Variants in KLHL29 observed in about 807,000 individuals in gnomAD.
The protein encoded by KLHL29 is kelch-like protein 29.
In KLHL29, 21 loss-of-function variants were observed where a neutral mutation model predicts 80.4. That is an observed-to-expected ratio of 0.26 (90% CI 0.19 to 0.38). KLHL29 has a LOEUF of 0.38. KLHL29 is among the 10% of genes least tolerant of loss of function. The pLI is 1.00. For missense variants in KLHL29, 867 were observed against 1,223.9 expected (o/e 0.71, Z 4.35); for synonymous variants, 511 against 526.8 (o/e 0.97, Z 0.41).
intron 1 of KLHL29, among the ~76,000 whole-genome samples, chr2:23,442,859 C>T (rs1372861426): frequency 1.3e-5 from 2 of 152,154 alleles, no homozygotes; most frequent in East Asian, 3.9e-4. Context: ...ATTTGACAGA[C>T]CAGAATCTCA....
Position 23,596,838 on chromosome 2 carries a change from A to G in KLHL29, c.285+34357A>G, listed in dbSNP as rs112317863. On this transcript the variant is annotated intron_variant, in intron 3 of 13. Coordinates refer to ENST00000486442, the MANE Select transcript of KLHL29 (RefSeq NM_052920.2). This position sits in a 1 kb window ranked among gnomAD's most constrained non-coding sequence, Gnocchi z 4.4. Reference sequence around the variant, plus strand: ...GGGATTCCTGGTACATACTTTACCCATTTTTCAGATTTTCCTCCTTCTTAC... The same window carrying G: ...GGGATTCCTGGTACATACTTTACCCGTTTTTCAGATTTTCCTCCTTCTTAC... 1.2e-3 allele frequency among the ~76,000 whole-genome samples: 182 copies of G among 152,206 alleles called. No homozygotes were observed. The highest frequency in any genetic ancestry group is 4.2e-3 in the African/African-American group (176 of 41,524).
In KLHL29 at chr2:23,642,843, C is replaced by A. The variant is rs1465246200; in HGVS notation, c.933C>A (p.His311Gln). 6.4e-7 allele frequency: 1 copy of A among 1,550,454 alleles called. No homozygotes were observed. Among genetic ancestry groups the A allele is most frequent in the Non-Finnish European group, 8.7e-7 (1 of 1,146,886 alleles). Residue 311 changes from histidine (H) to glutamine (Q), a missense_variant, in exon 5 of 14, where the codon CAC (histidine) becomes CAA (glutamine). Physicochemically the swap from His to Gln is conservative, Grantham distance 24. Coordinates refer to ENST00000486442, the MANE Select transcript of KLHL29 (RefSeq NM_052920.2). ...AGTATGAGTTCACCGACCCGGGGCA[C>A]CCCAGAGGTAAGTCCTGCTGCCACG... ...VGKYEFTDPG[H>Q]PREMLKELNQ...
rs1051503029 is a variant in KLHL29 at position 23,642,784 on chromosome 2, G to A, written c.874G>A (p.Gly292Arg). The change falls in exon 5 of 14, where the codon GGG becomes AGG. Residue 292 changes from glycine to arginine, a missense_variant. This residue lies in a region of KLHL29 where 424 missense variants were observed against 456.9 expected (regional missense o/e 0.93). Transcript: ENST00000486442. ...NGPPTTDSAH[G>R]LQMLRTIGVG... ...GCCCCCCACAACCGACTCGGCCCACGGGCTGCAGATGCTGCGGACCATTGG... is the reference window on the plus strand; with the variant it reads ...GCCCCCCACAACCGACTCGGCCCACAGGCTGCAGATGCTGCGGACCATTGG... 7.5e-5 allele frequency: 117 copies of A among 1,550,308 alleles called. No individual in the cohort carries two copies. Among genetic ancestry groups the A allele is most frequent in the Non-Finnish European group, 9.2e-5 (105 of 1,146,892 alleles).
intron 1 of KLHL29, among the ~76,000 whole-genome samples, chr2:23,440,784 A>G (rs1386734354): frequency 1.3e-5 from 2 of 152,184 alleles, no homozygotes; most frequent in Non-Finnish European, 2.9e-5. Context: ...ATGAGATACC[A>G]TCTCACACCA....
chr2:23,415,915 G>A (rs1187006058), intron 1 of KLHL29, among the ~76,000 whole-genome samples: 2 of 152,084 alleles, frequency 1.3e-5, no homozygotes, highest in Non-Finnish European at 2.9e-5. Context: ...GCTCAGAGTT[G>A]CAGTGAGCAG....
intron 1 of KLHL29, among the ~76,000 whole-genome samples, chr2:23,408,942 T>G (rs1666797176): frequency 1.3e-5 from 2 of 152,194 alleles, no homozygotes; most frequent in Non-Finnish European, 2.9e-5. Flanking sequence ...ACAGCTCTGA[T>G]GAGCACCTTT....
chr2:23,621,968 T>C (rs1196562304), intron 3 of KLHL29, among the ~76,000 whole-genome samples: 2 of 152,172 alleles, frequency 1.3e-5, no homozygotes, highest in Middle Eastern at 3.2e-3. Context: ...ACAGGACACG[T>C]GAGAGAGAAA....
intron 1 of KLHL29, among the ~76,000 whole-genome samples, chr2:23,432,723 G>A (rs971957458): frequency 1.3e-5 from 2 of 152,236 alleles, no homozygotes; most frequent in Non-Finnish European, 2.9e-5. Flanking sequence ...CAGGGCTGGA[G>A]GAGCTGTGCA....
chr2:23,571,713 AT>A (rs1238227436), intron 3 of KLHL29, among the ~76,000 whole-genome samples: 4 of 152,218 alleles, frequency 2.6e-5, no homozygotes, highest in African/African-American at 9.6e-5. Context: ...TTGAACTGCT[AT>A]AACCTTCCTA....
chr2:23,549,201 A>C (rs1667060378), intron 2 of KLHL29, among the ~76,000 whole-genome samples: 1 of 152,240 alleles, frequency 6.6e-6, no homozygotes, highest in African/African-American at 2.4e-5. Context: ...CCTCGCTGCC[A>C]GTATGCAAGG....
chr2:23,601,007 G>A (rs1352574921), intron 3 of KLHL29, among the ~76,000 whole-genome samples: 1 of 152,180 alleles, frequency 6.6e-6, no homozygotes, highest in Admixed American at 6.5e-5. Context: ...TGTGATGTAG[G>A]TATTGCCATT....
chr2:23,473,562 G>A (rs1055276642), intron 1 of KLHL29, among the ~76,000 whole-genome samples: 3 of 151,972 alleles, frequency 2.0e-5, no homozygotes, highest in African/African-American at 4.8e-5. Context: ...GGCCACTGTC[G>A]TCAGGACAGG....
chr2:23,395,929 C>T (rs971353347), intron 1 of KLHL29, among the ~76,000 whole-genome samples: 1 of 152,160 alleles, frequency 6.6e-6, no homozygotes, highest in African/African-American at 2.4e-5. Context: ...AAGGTAGGAC[C>T]ACATTTTCGT....
At chr2:23,540,006 C>T (rs1156237322) in intron 2 of KLHL29, among the ~76,000 whole-genome samples, 4 of 152,190 alleles carry the variant, frequency 2.6e-5, no homozygotes, top group Non-Finnish European at 4.4e-5. Context: ...TGCCGCCCAC[C>T]AGCCCTGTGA....
rs141426226 is a variant in KLHL29, at chr2:23,491,908, A to G, written c.-46+16241A>G. 2.6e-5 allele frequency among the ~76,000 whole-genome samples: 4 copies of G among 152,200 alleles called. No homozygotes were observed. In the East Asian group the frequency reaches 7.7e-4, roughly 29 times the overall value. ...AGAGTGCATCTCGCCTCCACGTACT[A>G]CAGGCTGTCAGCTCTGCCTCCTAAC... is the stretch of plus-strand genomic sequence containing the variant. On this transcript the variant is annotated intron_variant, in intron 2 of 13. Transcript: ENST00000486442.
chr2:23,398,657 T>C (rs1221374112), intron 1 of KLHL29, among the ~76,000 whole-genome samples: 3 of 152,256 alleles, frequency 2.0e-5, no homozygotes, highest in Non-Finnish European at 4.4e-5. Context: ...TAGTGAGCCC[T>C]TGGGCCATGT....
At chr2:23,667,342 C>T (rs1458548658) in intron 5 of KLHL29, 2 of 152,064 alleles carry the variant, frequency 1.3e-5, no homozygotes. Context: ...GGAGTGAGAA[C>T]AAAAAGGCAA....
intron 3 of KLHL29, among the ~76,000 whole-genome samples, chr2:23,570,082 T>G (rs974596586): frequency 6.6e-6 from 1 of 152,224 alleles, no homozygotes. Context: ...ATATTAATTT[T>G]CATTGTGAAT....
At chr2:23,422,159 GTTC>G (rs1662833762) in intron 1 of KLHL29, among the ~76,000 whole-genome samples, 1 of 151,108 alleles carries the variant, frequency 6.6e-6, no homozygotes, top group African/African-American at 2.4e-5. Context: ...GTGAGTGTGT[GTTC>G]TTTGTGTATC....
Sources: allele counts gnomAD v4.1 joint callset (sites outside exome capture counted in the v4.1 genomes callset), GRCh38; gene constraint gnomAD v4.1.1; regional missense constraint gnomAD v4.1.1; non-coding constraint Gnocchi (gnomAD v3.1); transcripts MANE v1.5; gene names NCBI Gene and HGNC (gene_info 2026-07-23, HGNC 2026-07-21).